The following USP24 variants were observed in gnomAD, a reference collection of about 807,000 sequenced individuals.
USP24 encodes ubiquitin specific peptidase 24, also known as ubiquitin carboxyl-terminal hydrolase 24.
In USP24, 97 loss-of-function variants were observed where a neutral mutation model predicts 361.6. The ratio of observed to expected loss-of-function variants is 0.27; its 90% CI spans 0.23 to 0.32. The LOEUF (loss-of-function observed/expected upper bound fraction) is 0.32, where lower values mean the gene tolerates loss of function less well. Among genes scored for constraint, USP24 ranks in the 10% least tolerant of loss-of-function variants. USP24 has a pLI of 1.00. For missense variants in USP24, 2,353 were observed against 3,165.6 expected, an observed-to-expected ratio of 0.74 and a Z score of 6.16; for synonymous variants, 1,098 against 1,124.6, an observed-to-expected ratio of 0.98 and a Z score of 0.47.
At chr1:55,160,655 T>C (rs1648181583) in intron 8 of USP24, among the ~76,000 whole-genome samples, 1 of 152,208 alleles carries the variant, frequency 6.6e-6, no homozygotes, top group Non-Finnish European at 1.5e-5. Flanking sequence ...AAGTCAGATG[T>C]GCTTGGTTGG....
At chr1:55,175,394 T>C (rs1234223438) in intron 3 of USP24, among the ~76,000 whole-genome samples, 1 of 151,962 alleles carries the variant, frequency 6.6e-6, no homozygotes, top group Non-Finnish European at 1.5e-5. Context: ...GCCCAGCTAA[T>C]TTTTTGCATT....
intron 55 of USP24, among the ~76,000 whole-genome samples, chr1:55,086,953 T>C (rs1317625242): frequency 6.6e-6 from 1 of 152,200 alleles, no homozygotes; most frequent in Non-Finnish European, 1.5e-5. Flanking sequence ...GTATCCTTCA[T>C]GTTAGTAGTC....
At chr1:55,204,210 T>G (rs1644647586) in intron 1 of USP24, among the ~76,000 whole-genome samples, 1 of 152,148 alleles carries the variant, frequency 6.6e-6, no homozygotes, top group Admixed American at 6.5e-5. Context: ...TTACCAACAT[T>G]TCTCTAAAGT....
At chr1:55,115,825 T>C (rs1181028719) in intron 38 of USP24, among the ~76,000 whole-genome samples, 3 of 152,186 alleles carry the variant, frequency 2.0e-5, no homozygotes, top group Non-Finnish European at 4.4e-5. Flanking sequence ...CACCATGGAA[T>C]ACTATGTGGC....
At chr1:55,095,460 A>C in intron 50 of USP24, 64 bp from the exon 51 acceptor site, 1 of 1,491,854 alleles carries the variant, frequency 6.7e-7, no homozygotes, top group African/African-American at 1.4e-5. Context: ...TGACAATCTA[A>C]AACAAAGGGC....
At chr1:55,069,292 C>T (rs1158947018) in intron 67 of USP24, among the ~76,000 whole-genome samples, 185 bp from the exon 68 acceptor site, 4 of 152,226 alleles carry the variant, frequency 2.6e-5, no homozygotes, top group African/African-American at 9.6e-5. Context: ...AAAACATGTA[C>T]ATTTCTATGA....
At chr1:55,179,396 C>T (rs905301515) in intron 1 of USP24, among the ~76,000 whole-genome samples, 3 of 152,192 alleles carry the variant, frequency 2.0e-5, no homozygotes, top group African/African-American at 7.2e-5. Context: ...TTGACCATAT[C>T]CACACTCCAG....
chr1:55,159,109 C>T, intron 9 of USP24, 73 bp from the exon 10 acceptor site: 1 of 1,253,054 alleles, frequency 8.0e-7, no homozygotes, highest in Non-Finnish European at 1.0e-6. Flanking sequence ...TTATAACATA[C>T]ACAAGAATAT....
intron 1 of USP24, among the ~76,000 whole-genome samples, chr1:55,182,333 G>T (rs1038233819): frequency 6.6e-6 from 1 of 152,150 alleles, no homozygotes; most frequent in Non-Finnish European, 1.5e-5. Flanking sequence ...GATTGCAGGC[G>T]TGAGCCATTG....
chr1:55,201,822 G>A (rs1352895219), intron 1 of USP24, among the ~76,000 whole-genome samples: 1 of 152,164 alleles, frequency 6.6e-6, no homozygotes, highest in Non-Finnish European at 1.5e-5. Context: ...GTGATTAACA[G>A]TACAGGTGGT....
chr1:55,175,268 G>A (rs1339865856), intron 3 of USP24, among the ~76,000 whole-genome samples: 8 of 134,820 alleles, frequency 5.9e-5, no homozygotes, highest in African/African-American at 2.0e-4. Context: ...GCACTGTCAC[G>A]CGGGCTGGAG....
chr1:55,093,852 C>A (rs536747115), intron 52 of USP24, 85 bp downstream of exon 52: 2 of 1,545,334 alleles, frequency 1.3e-6, no homozygotes, highest in East Asian at 4.6e-5. Context: ...TACAACTAAT[C>A]CAGCAGAAGT....
rs1647353812 is a variant in USP24 at position 55,153,901 on chromosome 1, C to G, written c.1829G>C (p.Gly610Ala). 2 of 1,550,676 alleles carry G rather than the reference C, an allele frequency of 1.3e-6. No homozygotes were observed. The highest frequency in any genetic ancestry group is 2.7e-5 in the African/African-American group (2 of 72,914). The change falls in exon 16 of 68, where the codon GGT (glycine) becomes GCT (alanine). Residue 610 changes from glycine (G) to alanine (A), a missense_variant. Physicochemically the swap from Gly to Ala is moderately conservative, Grantham distance 60. This residue lies in a region of USP24 where 386 missense variants were observed against 560.5 expected (regional missense o/e 0.69). Transcript: ENST00000294383. The part of the protein sequence containing the change: ...EDIKRPGEWS[G>A]LEKNKKDGFK... ...TCCATCCTTCTTGTTTTTTTCCAAA[C>G]CTGACCATTCTCCAGGCTGAAAATT... is the stretch of plus-strand genomic sequence containing the variant.
chr1:55,212,431 A>G (rs1644867449), intron 1 of USP24, among the ~76,000 whole-genome samples: 1 of 152,184 alleles, frequency 6.6e-6, no homozygotes, highest in Non-Finnish European at 1.5e-5. Context: ...GCCACCCACT[A>G]CATAATCATA....
At chr1:55,153,303 AC>A in intron 16 of USP24, among the ~76,000 whole-genome samples, 1 of 152,278 alleles carries the variant, frequency 6.6e-6, no homozygotes, top group Middle Eastern at 3.4e-3. Context: ...GTTCACAGTA[AC>A]CTACAGTCCC....
At chr1:55,164,498 T>C (rs1470683892) in intron 7 of USP24, among the ~76,000 whole-genome samples, 1 of 152,076 alleles carries the variant, frequency 6.6e-6, no homozygotes. Flanking sequence ...CCACCTTAAC[T>C]GGTCAGAAAT....
intron 50 of USP24, 98 bp downstream of exon 50, chr1:55,096,397 TAAC>T (rs1292800712): frequency 4.6e-5 from 47 of 1,028,222 alleles, no homozygotes; most frequent in South Asian, 2.4e-4. Context: ...ACAATAAAAA[TAAC>T]AAAATCTGTT....
chr1:55,101,852 GA>G, intron 42 of USP24, 149 bp from the exon 43 acceptor site: 1 of 1,026,182 alleles, frequency 9.7e-7, no homozygotes, highest in Non-Finnish European at 1.3e-6. Flanking sequence ...CTATGTTCAT[GA>G]AGTACCTCTG....
intron 63 of USP24, among the ~76,000 whole-genome samples, chr1:55,075,075 T>C (rs1644997878): frequency 6.6e-6 from 1 of 152,178 alleles, no homozygotes; most frequent in Non-Finnish European, 1.5e-5. Context: ...TCACATTTCA[T>C]GAGCCTGACA....
Sources: allele counts gnomAD v4.1 joint callset (sites outside exome capture counted in the v4.1 genomes callset), GRCh38; gene constraint gnomAD v4.1.1; regional missense constraint gnomAD v4.1.1; transcripts MANE v1.5; gene names NCBI Gene and HGNC (gene_info 2026-07-23, HGNC 2026-07-21).